The following USP13 variants were observed in gnomAD, a reference collection of about 807,000 sequenced individuals.
USP13 encodes the protein ubiquitin carboxyl-terminal hydrolase 13.
A neutral mutation model predicts 107.8 loss-of-function variants in USP13; 68 were observed. The ratio of observed to expected loss-of-function variants is 0.63; its 90% confidence interval spans 0.52 to 0.77. USP13 has a LOEUF of 0.77. USP13 is among the 30% of genes least tolerant of loss of function. The pLI, the probability that USP13 is intolerant of heterozygous loss-of-function variation, is 0.00. For missense variants in USP13, 945 were observed against 1,093.3 expected, an observed-to-expected ratio of 0.86 and a Z score of 1.91; for synonymous variants, 377 against 389.5, an observed-to-expected ratio of 0.97 and a Z score of 0.38.
rs781072057 is a variant in USP13 at position 179,757,065 on chromosome 3, C to T, written c.1935C>T (p.Asn645=). The change falls in exon 16 of 21, where the codon AAC becomes AAT. Residue 645 remains asparagine, a synonymous_variant. Coordinates refer to ENST00000263966, the MANE Select transcript of USP13 (RefSeq NM_003940.3). ...CTTAATTTCCAGATCGCCTGATGAA[C>T]CAATTGATAGACCGTATGTATCTTT... The part of the protein sequence containing the change: ...IPDDSKDRLM[N]QLIDPSDIDE... 6.2e-7 allele frequency: 1 copy of T among 1,613,868 alleles called. No homozygotes were observed. The highest frequency in any genetic ancestry group is 1.3e-5 in the African/African-American group (1 of 74,902).
rs1715986289 is a variant in USP13, at chr3:179,789,019, A to G, written c.*4878A>G. On this transcript the variant is annotated 3_prime_UTR_variant, in exon 21 of 21. Coordinates refer to ENST00000263966, the MANE Select transcript of USP13 (RefSeq NM_003940.3). ...GAGCTGCTACCTTTGCTCTTCTAGC[A>G]TCTTCTAGGTACCAAGGATATTAGC... 2 of 152,178 alleles carry G rather than the reference A, an allele frequency of 1.3e-5. No homozygotes were observed. Among genetic ancestry groups the G allele is most frequent in the Admixed American group, 6.5e-5 (1 of 15,282 alleles). The allele number at this position is 152,178 out of a possible 1,614,324, so 9.4% of individuals were successfully genotyped here.
chr3:179,773,087 G>A (rs1300236714), intron 19 of USP13, among the ~76,000 whole-genome samples: 2 of 152,172 alleles, frequency 1.3e-5, no homozygotes, highest in Non-Finnish European at 2.9e-5. Context: ...ATGTTGATAT[G>A]CAAACTGCAG....
At chr3:179,690,331 T>A in intron 3 of USP13, 30 bp downstream of exon 3, 1 of 1,598,002 alleles carries the variant, frequency 6.3e-7, no homozygotes, top group Non-Finnish European at 8.6e-7. Flanking sequence ...ATGCTCAGAT[T>A]TTGTGTTTGT....
Position 179,789,021 on chromosome 3 carries a change from C to G in USP13, c.*4880C>G, listed in dbSNP as rs1715986430. ...GCTGCTACCTTTGCTCTTCTAGCAT[C>G]TTCTAGGTACCAAGGATATTAGCCA... is the stretch of plus-strand genomic sequence containing the variant. On this transcript the variant is annotated 3_prime_UTR_variant, in exon 21 of 21. Transcript: ENST00000263966. The G allele has an allele frequency of 6.6e-6, 1 of 152,170 alleles. No homozygotes were observed. The highest frequency in any genetic ancestry group is 1.5e-5 in the Non-Finnish European group (1 of 68,028). 9.4% of individuals were successfully genotyped at this position (152,170 alleles called of 1,614,324 possible).
intron 8 of USP13, among the ~76,000 whole-genome samples, chr3:179,728,316 G>A (rs1457620183): frequency 6.7e-6 from 1 of 149,672 alleles, no homozygotes; most frequent in Admixed American, 6.6e-5. Context: ...GGGGCGGCCG[G>A]GCAGAGACGC....
intron 8 of USP13, among the ~76,000 whole-genome samples, chr3:179,723,686 A>G (rs1386427165): frequency 6.6e-6 from 1 of 152,188 alleles, no homozygotes; most frequent in Non-Finnish European, 1.5e-5. Flanking sequence ...CTAAACATTT[A>G]CTAGATATAT....
rs1715857590 is a variant in USP13 at position 179,784,436 on chromosome 3, T to C, written c.*295T>C. 1 of 247,648 alleles carries C rather than the reference T, an allele frequency of 4.0e-6. No homozygotes were observed. Among genetic ancestry groups the C allele is most frequent in the Admixed American group, 5.1e-5 (1 of 19,604 alleles). The allele number at this position is 247,648 out of a possible 1,614,324, so 15.3% of individuals were successfully genotyped here. A position where few individuals can be genotyped will look rare whatever the true frequency, so the allele number is the denominator to read the frequency against. ...TGGTGGAGGATCTGCCATCAGCACA[T>C]CAAAAATGGGGATGTGCCCCCAGCC... On this transcript the variant is annotated 3_prime_UTR_variant, in exon 21 of 21. Coordinates refer to ENST00000263966, the MANE Select transcript of USP13 (RefSeq NM_003940.3).
rs1205804146 is a variant in USP13 at position 179,653,416 on chromosome 3, G to A, written c.168+23G>A. On this transcript the variant is annotated intron_variant, in intron 1 of 20. Coordinates refer to ENST00000263966, the MANE Select transcript of USP13 (RefSeq NM_003940.3). The surrounding 1 kb of genome is among the most constrained non-coding windows in gnomAD (Gnocchi z 4.0). ...CCCGTAAGTGAGGCGCCTCGGGGGA[G>A]GGTCGCGGGGCCGGCGGCCTGCGGC... The A allele has an allele frequency of 6.5e-7, 1 of 1,544,480 alleles. No homozygotes were observed. The highest frequency in any genetic ancestry group is 8.8e-7 in the Non-Finnish European group (1 of 1,142,320).
At position 179,784,978 on chromosome 3, in the gene USP13, T is replaced by C. The variant is rs532224763; in HGVS notation, c.*837T>C. 1.6e-4 allele frequency: 24 copies of C among 152,344 alleles called. No individual in the cohort carries two copies. The highest frequency in any genetic ancestry group is 4.6e-4 in the African/African-American group (19 of 41,590). The allele number at this position is 152,344 out of a possible 1,614,324, so 9.4% of individuals were successfully genotyped here. A position where few individuals can be genotyped will look rare whatever the true frequency, so the allele number is the denominator to read the frequency against. On this transcript the variant is annotated 3_prime_UTR_variant, in exon 21 of 21. Coordinates refer to ENST00000263966, the MANE Select transcript of USP13 (RefSeq NM_003940.3). ...CCTTTAAGTGCTGTCAAGAATTCAC[T>C]TGGGTTTGGGACATTTGCTGGTGTA...
In USP13 at chr3:179,787,045, C is replaced by G. The variant is rs1046422417; in HGVS notation, c.*2904C>G. 2 of 152,120 alleles carry G rather than the reference C, an allele frequency of 1.3e-5. No homozygotes were observed. The highest frequency in any genetic ancestry group is 4.8e-5 in the African/African-American group (2 of 41,412). The allele number at this position is 152,120 out of a possible 1,614,324, so 9.4% of individuals were successfully genotyped here. A position where few individuals can be genotyped will look rare whatever the true frequency, so the allele number is the denominator to read the frequency against. On this transcript the variant is annotated 3_prime_UTR_variant, in exon 21 of 21. Coordinates refer to ENST00000263966, the MANE Select transcript of USP13 (RefSeq NM_003940.3). ...TTCTTTTAAAGAAAAAAAAAGTATG[C>G]AGAAAAGACTATTGGAAGAATCATG...
At chr3:179,728,577 G>A (rs1370910464) in intron 8 of USP13, among the ~76,000 whole-genome samples, 2 of 151,298 alleles carry the variant, frequency 1.3e-5, no homozygotes, top group East Asian at 2.0e-4. Context: ...TCCCAGACGG[G>A]GTGGCGGCCG....
At position 179,740,148 on chromosome 3, in the gene USP13, C is replaced by T. The variant is rs1270035605; in HGVS notation, c.1255-99C>T. The T allele has an allele frequency of 5.2e-6, 8 of 1,530,990 alleles. No homozygotes were observed. In the East Asian group the frequency reaches 1.6e-4, roughly 30 times the overall value. 94.8% of individuals were successfully genotyped at this position (1,530,990 alleles called of 1,614,324 possible). A position where few individuals can be genotyped will look rare whatever the true frequency, so the allele number is the denominator to read the frequency against. On this transcript the variant is annotated intron_variant, in intron 10 of 20. Transcript: ENST00000263966. ...CTTCTTTGGGCTGTAGTTTTCTCAT[C>T]TGGAAAGTGGAGTTTATGGTGGGTT...
intron 13 of USP13, among the ~76,000 whole-genome samples, chr3:179,746,216 A>G (rs1012152968): frequency 6.8e-6 from 1 of 147,342 alleles, no homozygotes; most frequent in Non-Finnish European, 1.5e-5. Flanking sequence ...TAAAATGTAT[A>G]TATATAAAAT....
At position 179,699,993 on chromosome 3, in the gene USP13, G is replaced by A. The variant is rs552618600; in HGVS notation, c.356-1015G>A. ...GTGTTCATGGGCCTGTTCATGTGTA[G>A]GTTTGTGTGCATGTGAGTGGAATAG... On this transcript the variant is annotated intron_variant, in intron 3 of 20. Transcript: ENST00000263966. Among the ~76,000 whole-genome samples the A allele has an allele frequency of 2.6e-5, 4 of 152,014 alleles. No individual in the cohort carries two copies. The South Asian group carries it at 8.3e-4, about 32-fold the overall frequency.
chr3:179,669,858 G>A (rs1720699647), intron 1 of USP13, among the ~76,000 whole-genome samples: 1 of 152,056 alleles, frequency 6.6e-6, no homozygotes, highest in Non-Finnish European at 1.5e-5. Context: ...TTCTTCCACA[G>A]TAGCCAGAGT....
Position 179,704,189 on chromosome 3 carries a change from T to C in USP13, c.478-2745T>C, listed in dbSNP as rs143321252. ...CTGAAAACACTGGATCAGTGTTTGA[T>C]AGGCCCAGAAGTCTAAGGATGTTTT... On this transcript the variant is annotated intron_variant, in intron 4 of 20. Coordinates refer to ENST00000263966, the MANE Select transcript of USP13 (RefSeq NM_003940.3). 3.9e-5 allele frequency among the ~76,000 whole-genome samples: 6 copies of C among 152,322 alleles called. No individual in the cohort carries two copies. The East Asian group carries it at 1.2e-3, about 29-fold the overall frequency.
At chr3:179,747,887 A>C (rs1714464849) in intron 13 of USP13, among the ~76,000 whole-genome samples, 1 of 152,190 alleles carries the variant, frequency 6.6e-6, no homozygotes, top group Admixed American at 6.5e-5. Context: ...TCTTACAAGG[A>C]GCTTTTACCT....
At position 179,700,446 on chromosome 3, in the gene USP13, T is replaced by A. The variant is rs927913252; in HGVS notation, c.356-562T>A. ...TATAAACTATGTGAGATACATGCTATTATCTTCATGCTATAAATGAGAAAA... is the reference window on the plus strand; with the variant it reads ...TATAAACTATGTGAGATACATGCTAATATCTTCATGCTATAAATGAGAAAA... On this transcript the variant is annotated intron_variant, in intron 3 of 20. Transcript: ENST00000263966. 1.5e-4 allele frequency among the ~76,000 whole-genome samples: 23 copies of A among 152,240 alleles called. 1 individual carries two copies. The highest frequency in any genetic ancestry group is 4.1e-4 in the African/African-American group (17 of 41,458).
chr3:179,772,554 G>A (rs1454217453), intron 19 of USP13, among the ~76,000 whole-genome samples: 3 of 152,172 alleles, frequency 2.0e-5, no homozygotes, highest in Non-Finnish European at 2.9e-5. Context: ...GGGGGCAAAA[G>A]GTACAGCTCC....
Sources: gnomAD v4.1 joint callset for allele counts (sites outside exome capture counted in the v4.1 genomes callset) on GRCh38, gnomAD v4.1.1 for gene constraint, Gnocchi (gnomAD v3.1) non-coding constraint, MANE v1.5 for transcripts, NCBI Gene and HGNC (gene_info 2026-07-23, HGNC 2026-07-21) for gene names.